Variants in ATP7A observed in about 807,000 individuals in gnomAD.
ATP7A encodes copper-transporting ATPase 1.
In ATP7A, 7 loss-of-function variants were observed where a neutral mutation model predicts 83.5. The ratio of observed to expected loss-of-function variants is 0.08; its 90% CI spans 0.05 to 0.16. The LOEUF is 0.16. Ranked by LOEUF, ATP7A falls within the 10% of genes least tolerant of loss-of-function variation. ATP7A has a pLI of 1.00. For synonymous variants in ATP7A, 354 were observed against 395.2 expected (o/e 0.90, Z 1.24); for missense variants, 940 against 1,120.8 (o/e 0.84, Z 2.30).
intron 1 of ATP7A, among the ~76,000 whole-genome samples, chrX:77,965,703 A>G (rs1030237114): frequency 1.8e-5 from 2 of 112,234 alleles, no homozygotes; most frequent in Non-Finnish European, 3.8e-5. Flanking sequence ...GAATGTTTAT[A>G]GCAGCATTAT....
intron 21 of ATP7A, among the ~76,000 whole-genome samples, chrX:78,044,396 C>T (rs1183151497): frequency 9.0e-6 from 1 of 111,667 alleles, no homozygotes; most frequent in Non-Finnish European, 1.9e-5. Flanking sequence ...TATATTTGCA[C>T]AGAGATATGT....
chrX:77,991,059 T>C (rs2077666462), intron 4 of ATP7A, among the ~76,000 whole-genome samples: 1 of 112,011 alleles, frequency 8.9e-6, no homozygotes, highest in African/African-American at 3.2e-5. Flanking sequence ...CTTTTTAAAA[T>C]TGACACATAG....
intron 1 of ATP7A, among the ~76,000 whole-genome samples, chrX:77,928,341 T>C (rs993284870): frequency 1.8e-5 from 2 of 111,540 alleles, no homozygotes; most frequent in Non-Finnish European, 3.8e-5. Context: ...ACACATTAAG[T>C]ATTTTTAGTG....
At chrX:77,990,797 A>G (rs1267892789) in intron 4 of ATP7A, among the ~76,000 whole-genome samples, 1 of 112,165 alleles carries the variant, frequency 8.9e-6, no homozygotes, top group Non-Finnish European at 1.9e-5. Flanking sequence ...TGAAATAACA[A>G]TTGAAACGTT....
At chrX:77,987,391 A>T (rs961632694) in intron 2 of ATP7A, among the ~76,000 whole-genome samples, 1 of 109,184 alleles carries the variant, frequency 9.2e-6, no homozygotes, top group African/African-American at 3.4e-5. Context: ...TGGTTAGCTA[A>T]TAAGTGGAGA....
intron 16 of ATP7A, among the ~76,000 whole-genome samples, chrX:78,033,235 G>T (rs1280212578): frequency 8.9e-6 from 1 of 111,969 alleles, no homozygotes; most frequent in Non-Finnish European, 1.9e-5. Context: ...CTCCCTAGTA[G>T]CTGAGATTAC....
chrX:77,921,685 T>C lies in ATP7A; in HGVS notation c.-22+10850T>C, dbSNP rs181493635. The stretch of plus-strand genomic sequence containing the variant: ...TGGGAGTCCCAGGCGGATGGATCAC[T>C]TGAAGTCAGGAGTTTGACACCAGCC... On this transcript the variant is annotated intron_variant, in intron 1 of 22. Transcript: ENST00000341514. Among the ~76,000 whole-genome samples, 104 of 111,659 alleles carry C rather than the reference T, an allele frequency of 9.3e-4. 1 individual carries two copies. Among genetic ancestry groups the C allele is most frequent in the South Asian group, 3.3e-3 (9 of 2,700 alleles).
At chrX:77,964,005 C>T (rs1466591378) in intron 1 of ATP7A, 3 of 111,807 alleles carry the variant, frequency 2.7e-5, no homozygotes, top group Non-Finnish European at 5.7e-5. Context: ...TTTTTGTTTT[C>T]GGTATTTTTA....
At chrX:78,008,440 T>G (rs1557233979) in intron 6 of ATP7A, among the ~76,000 whole-genome samples, 1 of 111,494 alleles carries the variant, frequency 9.0e-6, no homozygotes, top group Non-Finnish European at 1.9e-5. Flanking sequence ...GAAAGATACA[T>G]TTTTAGACAT....
intron 1 of ATP7A, among the ~76,000 whole-genome samples, chrX:77,934,853 G>GTT (rs782362181): frequency 1.9e-4 from 19 of 99,057 alleles, no homozygotes; most frequent in Non-Finnish European, 1.7e-4. Context: ...ATAAGTTATA[G>GTT]TTTTTTTTTT....
chrX:77,998,402 T>C lies in ATP7A; in HGVS notation c.1337-76T>C. On this transcript the variant is annotated intron_variant, in intron 4 of 22. Transcript: ENST00000341514. ...AATAGATTGTCAGTGCCTGGAGGTA[T>C]GGATTGTGATGCAAGGCAAGGATGC... The C allele has an allele frequency of 3.0e-6, 3 of 992,331 alleles. No homozygotes were observed. In the South Asian group the frequency reaches 5.7e-5, roughly 19 times the overall value. The allele number at this position is 992,331 out of a possible 1,213,427, so 81.8% of individuals were successfully genotyped here.
In ATP7A at chrX:77,994,247, G is replaced by T. The variant is rs781987632; in HGVS notation, c.1337-4231G>T. Among the ~76,000 whole-genome samples, 4 of 110,092 alleles carry T rather than the reference G, an allele frequency of 3.6e-5. No individual in the cohort carries two copies. In the East Asian group the frequency reaches 1.2e-3, roughly 32 times the overall value. ...TGCCCGGCTAATTTTTGTATTTTTA[G>T]TAGAGACAGGGTTTCGCCTTGTTGG... On this transcript the variant is annotated intron_variant, in intron 4 of 22. Coordinates refer to ENST00000341514, the MANE Select transcript of ATP7A (RefSeq NM_000052.7).
At chrX:77,962,089 C>A (rs932646584) in intron 1 of ATP7A, among the ~76,000 whole-genome samples, 11 of 111,343 alleles carry the variant, frequency 9.9e-5, no homozygotes, top group Admixed American at 6.7e-4. Context: ...AATTGGACTT[C>A]TTCAGACTTG....
At chrX:78,011,729 G>T in intron 9 of ATP7A, 55 bp downstream of exon 9, 2 of 1,095,319 alleles carry the variant, frequency 1.8e-6, no homozygotes, top group South Asian at 1.8e-5. Context: ...AGCAAAATTT[G>T]GCAGGCAAGG....
At chrX:77,938,340 C>A (rs1289140450) in intron 1 of ATP7A, among the ~76,000 whole-genome samples, 1 of 112,556 alleles carries the variant, frequency 8.9e-6, no homozygotes, top group Non-Finnish European at 1.9e-5. Context: ...ATTTATCTTG[C>A]GGTTCAGGCA....
rs782449147 is a variant in ATP7A at position 78,029,114 on chromosome X, A to G, written c.2917-136A>G. The G allele has an allele frequency of 6.7e-5, 43 of 641,744 alleles. No homozygotes were observed. In the African/African-American group the frequency reaches 8.4e-4, roughly 13 times the overall value. The allele number at this position is 641,744 out of a possible 1,213,427, so 52.9% of individuals were successfully genotyped here. ...AGAAAGTGTTTTCTTACCTGTAACT[A>G]AAAAATATATGTAGGTAGCTAGGTA... On this transcript the variant is annotated intron_variant, in intron 14 of 22. Coordinates refer to ENST00000341514, the MANE Select transcript of ATP7A (RefSeq NM_000052.7).
intron 20 of ATP7A, 73 bp from the exon 21 acceptor site, chrX:78,043,244 C>A: frequency 1.4e-6 from 1 of 707,276 alleles, no homozygotes; most frequent in Non-Finnish European, 2.3e-6. Context: ...CTTCAACATA[C>A]ACAGTATCAA....
intron 14 of ATP7A, among the ~76,000 whole-genome samples, chrX:78,026,450 A>G (rs2149103186): frequency 8.9e-6 from 1 of 112,100 alleles, no homozygotes; most frequent in Admixed American, 9.5e-5. Flanking sequence ...ATACTGCTAG[A>G]CCTACAAAAA....
intron 1 of ATP7A, among the ~76,000 whole-genome samples, chrX:77,966,091 C>A (rs781946675): frequency 2.1e-4 from 23 of 111,987 alleles, no homozygotes; most frequent in Middle Eastern, 4.6e-3. Flanking sequence ...TTGCACATGT[C>A]TGTGAATATG....
Sources: gnomAD v4.1 joint callset for allele counts (sites outside exome capture counted in the v4.1 genomes callset) on GRCh38, gnomAD v4.1.1 for gene constraint, MANE v1.5 for transcripts, NCBI Gene and HGNC (gene_info 2026-07-23, HGNC 2026-07-21) for gene names.